ADCK1: variants seen among roughly 807,000 people sequenced by gnomAD.
The protein encoded by ADCK1 is aarF domain-containing protein kinase 1.
A neutral mutation model predicts 52.3 loss-of-function variants in ADCK1; 41 were observed. The observed-to-expected ratio is 0.78, with a 90% CI of 0.61 to 1.02. The LOEUF (loss-of-function observed/expected upper bound fraction) is 1.02. ADCK1 is among the 50% of genes least tolerant of loss of function. ADCK1 has a pLI of 0.00. For synonymous variants in ADCK1, 250 were observed against 274.6 expected, an observed-to-expected ratio of 0.91 and a Z score of 0.89; for missense variants, 658 against 679.5, an observed-to-expected ratio of 0.97 and a Z score of 0.35.
At chr14:77,865,092 G>A (rs1405512045) in intron 4 of ADCK1, among the ~76,000 whole-genome samples, 1 of 151,760 alleles carries the variant, frequency 6.6e-6, no homozygotes, top group African/African-American at 2.4e-5. Flanking sequence ...GACAAACCTG[G>A]GCAATATAGG....
intron 4 of ADCK1, among the ~76,000 whole-genome samples, chr14:77,877,332 G>C (rs79003212): frequency 0.073 from 11,168 of 152,312 alleles, 994 homozygotes; most frequent in African/African-American, 0.21. Flanking sequence ...AGCCCAGGAC[G>C]TCTGTCCTGA....
intron 4 of ADCK1, among the ~76,000 whole-genome samples, chr14:77,875,785 G>A (rs982251981): frequency 2.0e-5 from 3 of 152,178 alleles, no homozygotes; most frequent in Non-Finnish European, 4.4e-5. Flanking sequence ...TGCTGGGAAG[G>A]AATGACATTG....
At chr14:77,918,093 C>T (rs1299796837) in intron 7 of ADCK1, among the ~76,000 whole-genome samples, 1 of 152,158 alleles carries the variant, frequency 6.6e-6, no homozygotes, top group Non-Finnish European at 1.5e-5. Context: ...GGCATGGTGC[C>T]TGGTATAGTG....
At chr14:77,904,637 A>G (rs1328724793) in intron 6 of ADCK1, among the ~76,000 whole-genome samples, 1 of 152,180 alleles carries the variant, frequency 6.6e-6, no homozygotes, top group Non-Finnish European at 1.5e-5. Context: ...AAACTTCTCT[A>G]ATTGGTGCCC....
chr14:77,814,444 CA>C (rs926087604), intron 1 of ADCK1, among the ~76,000 whole-genome samples: 2 of 142,214 alleles, frequency 1.4e-5, no homozygotes, highest in Non-Finnish European at 3.1e-5. Flanking sequence ...AAACAAAAAA[CA>C]AAAATCCTTT....
rs147912667 is a variant in ADCK1 at position 77,803,040 on chromosome 14, A to G, written c.-12+2870A>G. On this transcript the variant is annotated intron_variant, in intron 1 of 10. Transcript: ENST00000238561. ...CTGTAAACCTGCTCAGGCCAACTTC[A>G]CACAGTCCCTTGCTATTGACTTGGT... 1.4e-4 allele frequency among the ~76,000 whole-genome samples: 21 copies of G among 152,276 alleles called. No homozygotes were observed. The East Asian group carries it at 2.1e-3, about 15-fold the overall frequency.
At chr14:77,815,744 C>T (rs999468997) in intron 1 of ADCK1, among the ~76,000 whole-genome samples, 6 of 151,278 alleles carry the variant, frequency 4.0e-5, no homozygotes, top group Admixed American at 1.3e-4. Context: ...GTCTTGAACT[C>T]GTGACCTCGT....
Position 77,814,471 on chromosome 14 carries a change from C to G in ADCK1, c.-11-4497C>G, listed in dbSNP as rs146264414. ...AAAATCCTTTCTGAGCATGGTAGCTCACATCTGTAATCTCAGCACTTTGGG... is the reference window on the plus strand; with the variant it reads ...AAAATCCTTTCTGAGCATGGTAGCTGACATCTGTAATCTCAGCACTTTGGG... On this transcript the variant is annotated intron_variant, in intron 1 of 10. Coordinates refer to ENST00000238561, the MANE Select transcript of ADCK1 (RefSeq NM_020421.4). Among the ~76,000 whole-genome samples the G allele has an allele frequency of 3.3e-5, 5 of 150,456 alleles. No individual in the cohort carries two copies. The East Asian group carries it at 9.8e-4, about 29-fold the overall frequency.
intron 9 of ADCK1, among the ~76,000 whole-genome samples, chr14:77,929,534 G>A (rs971293528): frequency 5.3e-5 from 8 of 152,212 alleles, no homozygotes; most frequent in African/African-American, 1.9e-4. Context: ...ACGTGTCCAT[G>A]CCTAAACCAG....
intron 4 of ADCK1, among the ~76,000 whole-genome samples, chr14:77,883,691 G>T (rs1247883238): frequency 1.3e-5 from 2 of 152,122 alleles, no homozygotes; most frequent in Admixed American, 1.3e-4. Context: ...TGGCTGCAGG[G>T]ACACTGGGGA....
chr14:77,930,962 G>T (rs2084316222), intron 9 of ADCK1, among the ~76,000 whole-genome samples: 1 of 152,186 alleles, frequency 6.6e-6, no homozygotes, highest in Non-Finnish European at 1.5e-5. Flanking sequence ...GCGATGACCA[G>T]CATGAAGGGC....
intron 3 of ADCK1, among the ~76,000 whole-genome samples, chr14:77,848,070 A>G (rs746900475): frequency 2.6e-5 from 4 of 152,132 alleles, no homozygotes; most frequent in Non-Finnish European, 5.9e-5. Flanking sequence ...TTCTTTTAAA[A>G]ATTTTTTAAA....
chr14:77,852,686 T>TATATATA (rs1566667402), intron 3 of ADCK1, among the ~76,000 whole-genome samples: 3 of 87,676 alleles, frequency 3.4e-5, no homozygotes, highest in African/African-American at 1.6e-4. Flanking sequence ...TATATATATA[T>TATATATA]ATATATATAT....
In ADCK1 at chr14:77,923,079, G is replaced by C. The variant is rs1174006673; in HGVS notation, c.859-1378G>C. On this transcript the variant is annotated intron_variant, in intron 7 of 10. Coordinates refer to ENST00000238561, the MANE Select transcript of ADCK1 (RefSeq NM_020421.4). This position sits in a 1 kb window ranked among gnomAD's most constrained non-coding sequence, Gnocchi z 4.3. ...CAACAAAGCTGTTTAATAAAGCAGA[G>C]CGAGTCCCTCCTATCTTGGGAGTTT... 6.6e-6 allele frequency among the ~76,000 whole-genome samples: 1 copy of C among 152,218 alleles called. No individual in the cohort carries two copies. The highest frequency in any genetic ancestry group is 1.5e-5 in the Non-Finnish European group (1 of 68,046).
intron 7 of ADCK1, among the ~76,000 whole-genome samples, chr14:77,909,454 C>T (rs2083743324): frequency 6.6e-6 from 1 of 152,132 alleles, no homozygotes; most frequent in African/African-American, 2.4e-5. Flanking sequence ...CTTTTCTATT[C>T]CACTCCCCAT....
chr14:77,817,022 G>A (rs1396540094), intron 1 of ADCK1, among the ~76,000 whole-genome samples: 6 of 151,662 alleles, frequency 4.0e-5, no homozygotes, highest in African/African-American at 9.7e-5. Flanking sequence ...CAGGCGGATC[G>A]CCTGAGGTCA....
At chr14:77,848,971 G>T (rs1055414177) in intron 3 of ADCK1, among the ~76,000 whole-genome samples, 1 of 151,854 alleles carries the variant, frequency 6.6e-6, no homozygotes. Flanking sequence ...GACTACAGGC[G>T]CCCGCTACCA....
intron 1 of ADCK1, among the ~76,000 whole-genome samples, chr14:77,817,472 A>C (rs2081481098): frequency 6.6e-6 from 1 of 152,156 alleles, no homozygotes; most frequent in South Asian, 2.1e-4. Context: ...AGTCTGACAT[A>C]AATTGCTCAG....
chr14:77,812,194 TTAAC>T (rs1213710065), intron 1 of ADCK1, among the ~76,000 whole-genome samples: 2 of 152,194 alleles, frequency 1.3e-5, no homozygotes, highest in Non-Finnish European at 2.9e-5. Flanking sequence ...TACAGTAGTA[TTAAC>T]TAGAGTTTCC....
Sources: gnomAD v4.1 joint callset for allele counts (sites outside exome capture counted in the v4.1 genomes callset) on GRCh38, gnomAD v4.1.1 for gene constraint, Gnocchi (gnomAD v3.1) non-coding constraint, MANE v1.5 for transcripts, NCBI Gene and HGNC (gene_info 2026-07-23, HGNC 2026-07-21) for gene names.